QRICH2: variants seen among roughly 807,000 people sequenced by gnomAD.
QRICH2 encodes glutamine-rich protein 2.
A neutral mutation model predicts 168.3 loss-of-function variants in QRICH2; 119 were observed. The observed-to-expected ratio is 0.71, with a 90% CI of 0.61 to 0.82. The LOEUF (loss-of-function observed/expected upper bound fraction) is 0.82, where lower values mean the gene tolerates loss of function less well. QRICH2 is among the 40% of genes least tolerant of loss of function. The pLI is 0.00. For missense variants in QRICH2, 2,241 were observed against 2,491.6 expected, an observed-to-expected ratio of 0.90 and a Z score of 2.14; for synonymous variants, 894 against 951.2, an observed-to-expected ratio of 0.94 and a Z score of 1.11.
At chr17:76,275,583 T>C (rs2070660038) in intron 18 of QRICH2, among the ~76,000 whole-genome samples, 1 of 152,194 alleles carries the variant, frequency 6.6e-6, no homozygotes, top group Non-Finnish European at 1.5e-5. Context: ...ATGTGGGTGG[T>C]GACCCTGTCC....
chr17:76,305,532 T>G (rs924356846), intron 1 of QRICH2, among the ~76,000 whole-genome samples: 1 of 151,932 alleles, frequency 6.6e-6, no homozygotes, highest in African/African-American at 2.4e-5. Context: ...GGAAGGGAAG[T>G]GAGATGCAGT....
At chr17:76,277,699 T>C (rs2070710844) in intron 15 of QRICH2, among the ~76,000 whole-genome samples, 1 of 151,522 alleles carries the variant, frequency 6.6e-6, no homozygotes, top group East Asian at 1.9e-4. Context: ...TACTCATACA[T>C]GCACACACAT....
intron 6 of QRICH2, among the ~76,000 whole-genome samples, chr17:76,287,552 C>G (rs1008867244): frequency 6.6e-6 from 1 of 152,160 alleles, no homozygotes; most frequent in Non-Finnish European, 1.5e-5. Context: ...CCTTCAGCCT[C>G]CGACTGGGGA....
chr17:76,280,098 C>A lies in QRICH2; in HGVS notation c.4683G>T (p.Ser1561=), dbSNP rs750507403. 1.2e-6 allele frequency: 2 copies of A among 1,613,654 alleles called. No individual in the cohort carries two copies. Among genetic ancestry groups the A allele is most frequent in the Admixed American group, 3.3e-5 (2 of 59,988 alleles). Residue 1561 remains serine, a synonymous_variant, in exon 12 of 19, where the codon TCG becomes TCT. Coordinates refer to ENST00000680821, the MANE Select transcript of QRICH2 (RefSeq NM_001388453.1). This position sits in a 1 kb window ranked among gnomAD's most constrained non-coding sequence, Gnocchi z 7.4. ...VKQLLEDRWK[S]LRQQLRERPP... is the part of the protein sequence containing the mutation. ...GGCGCTCCCTGAGCTGCTGTCGCAGCGATTTCCACCGATCCTCCAGCAACT... is the reference window on the plus strand; with the variant it reads ...GGCGCTCCCTGAGCTGCTGTCGCAGAGATTTCCACCGATCCTCCAGCAACT...
chr17:76,287,169 G>T (rs2070903617), intron 7 of QRICH2, 23 bp downstream of exon 7: 3 of 1,557,176 alleles, frequency 1.9e-6, no homozygotes, highest in East Asian at 2.2e-5. Flanking sequence ...GGTCCCTGGA[G>T]CTAAAGAGTG....
chr17:76,277,049 G>A (rs912834293), intron 16 of QRICH2, 114 bp downstream of exon 16: 2 of 1,157,688 alleles, frequency 1.7e-6, no homozygotes, highest in South Asian at 1.6e-5. Flanking sequence ...TCTGATTAAG[G>A]AATTGCCTCA....
intron 7 of QRICH2, among the ~76,000 whole-genome samples, chr17:76,285,175 C>T (rs572245034): frequency 2.1e-5 from 3 of 144,612 alleles, no homozygotes; most frequent in Admixed American, 6.7e-5. Flanking sequence ...CTTTTTCACC[C>T]AACCTGGAGT....
Position 76,296,779 on chromosome 17 carries a change from A to G in QRICH2, c.706-2758T>C, listed in dbSNP as rs1039192839. On this transcript the variant is annotated intron_variant, in intron 3 of 18. Transcript: ENST00000680821. ...GGCAACAGAGCATGGCTCTGTCTCA[A>G]AAAAAAAAAAAAAAAAAAATAACCA... 7.1e-4 allele frequency among the ~76,000 whole-genome samples: 67 copies of G among 94,524 alleles called. 1 individual carries two copies. Among genetic ancestry groups the G allele is most frequent in the Non-Finnish European group, 1.1e-3 (56 of 50,240 alleles). The allele number at this position is 94,524 out of a possible 152,430, so 62.0% of individuals were successfully genotyped here. A position where few individuals can be genotyped will look rare whatever the true frequency, so the allele number is the denominator to read the frequency against.
At position 76,304,422 on chromosome 17, in the gene QRICH2, G is replaced by A. The variant is rs1416385914; in HGVS notation, c.698C>T (p.Ser233Leu). 1 of 1,611,624 alleles carries A rather than the reference G, an allele frequency of 6.2e-7. No individual in the cohort carries two copies. The highest frequency in any genetic ancestry group is 1.1e-5 in the South Asian group (1 of 90,912). The change falls in exon 3 of 19, where the codon TCA becomes TTA. Residue 233 changes from serine to leucine, a missense_variant. Ser to Leu is a moderately radical substitution (Grantham distance 145). This residue lies in a region of QRICH2 where 2,047 missense variants were observed against 2,303.8 expected (regional missense o/e 0.89). Transcript: ENST00000680821. ...AGGCCCCCACTGGTTCACCGCTTGT[G>A]AGGCTCTCCAGCCGTCCGTAATCGC... ...EQAITDGWRASQAGSETLMGF... is the reference protein window; with the variant it reads ...EQAITDGWRALQAGSETLMGF...
chr17:76,277,664 A>G (rs931238642), intron 15 of QRICH2, among the ~76,000 whole-genome samples: 1 of 152,006 alleles, frequency 6.6e-6, no homozygotes, highest in Non-Finnish European at 1.5e-5. Context: ...ACACATGCAC[A>G]CACACACACG....
rs770064904 is a variant in QRICH2 at position 76,294,001 on chromosome 17, T to C, written c.726A>G (p.Gly242=). The change falls in exon 4 of 19, where the codon GGA becomes GGG. Residue 242 remains glycine (G), a synonymous_variant. Coordinates refer to ENST00000680821, the MANE Select transcript of QRICH2 (RefSeq NM_001388453.1). ...ASQAGSETLM[G]FSKHGGFTSL... The stretch of plus-strand genomic sequence containing the variant: ...AAGTGAACCCTCCGTGCTTAGAAAA[T>C]CCCATAAGTGTTTCTGAGCCCTGGT... 1.9e-6 allele frequency: 3 copies of C among 1,606,508 alleles called. No individual in the cohort carries two copies. The African/African-American group carries it at 4.0e-5, about 22-fold the overall frequency.
chr17:76,308,484 A>G (rs1317402025), upstream of QRICH2: 1 of 985,292 alleles, frequency 1.0e-6, no homozygotes, highest in African/African-American at 1.7e-5. Context: ...TGGCGGGGCC[A>G]CATAAGGAAA....
chr17:76,302,515 G>A lies in QRICH2; in HGVS notation c.705+1900C>T, dbSNP rs1214927515. 3.3e-5 allele frequency among the ~76,000 whole-genome samples: 5 copies of A among 152,206 alleles called. 1 individual carries two copies. The highest frequency in any genetic ancestry group is 1.9e-4 in the East Asian group (1 of 5,204). Reference sequence around the variant, plus strand: ...AATTAAGGATCTTGAGACGGAGGGAGTATCCCGGATTATCCGGGTGGATGC... The same window carrying A: ...AATTAAGGATCTTGAGACGGAGGGAATATCCCGGATTATCCGGGTGGATGC... On this transcript the variant is annotated intron_variant, in intron 3 of 18. Transcript: ENST00000680821.
intron 18 of QRICH2, 127 bp downstream of exon 18, chr17:76,275,692 C>T: frequency 8.0e-7 from 1 of 1,243,256 alleles, no homozygotes; most frequent in South Asian, 1.5e-5. Context: ...TTTTCCACAC[C>T]CATCCCCCCC....
chr17:76,276,818 CT>C lies in QRICH2; in HGVS notation c.5266-52del, dbSNP rs745407129. ...CCACTGTAGCAGCCACAGCCCTCCCCTGGCCCCTTCACACGGGACTGAGGCA... is the reference window on the plus strand; with the variant it reads ...CCACTGTAGCAGCCACAGCCCTCCCCGGCCCCTTCACACGGGACTGAGGCA... On this transcript the variant is annotated intron_variant, in intron 16 of 18. Coordinates refer to ENST00000680821, the MANE Select transcript of QRICH2 (RefSeq NM_001388453.1). 2.1e-6 allele frequency: 3 copies of C among 1,409,210 alleles called. No homozygotes were observed. In the East Asian group the frequency reaches 6.8e-5, roughly 32 times the overall value. 87.3% of individuals were successfully genotyped at this position (1,409,210 alleles called of 1,614,324 possible).
At chr17:76,278,297 A>C in intron 14 of QRICH2, 108 bp from the exon 15 acceptor site, 1 of 1,114,720 alleles carries the variant, frequency 9.0e-7, no homozygotes, top group Non-Finnish European at 1.3e-6. Flanking sequence ...GGACCCAGCT[A>C]GGCTGGGGGT....
Position 76,292,217 on chromosome 17 carries a change from A to G in QRICH2, c.2510T>C (p.Val837Ala), listed in dbSNP as rs376981175. The G allele has an allele frequency of 7.0e-7, 1 of 1,425,190 alleles. No individual in the cohort carries two copies. The highest frequency in any genetic ancestry group is 1.9e-5 in the African/African-American group (1 of 52,230). 88.3% of individuals were successfully genotyped at this position (1,425,190 alleles called of 1,614,324 possible). A position where few individuals can be genotyped will look rare whatever the true frequency, so the allele number is the denominator to read the frequency against. Residue 837 changes from valine to alanine, a missense_variant, in exon 4 of 19, where the codon GTT (valine) becomes GCT (alanine). Val to Ala is a moderately conservative substitution (Grantham distance 64). Transcript: ENST00000680821. ...DQRGLVQPGA[V>A]QRGLVQPGAV... ...ACCAGGTTGGACCAAACCACGCTGA[A>G]CTGCACCAGGTTGAACCAAACCACG...
rs1555588989 is a variant in QRICH2, at chr17:76,307,078, GGCCCCACT to G, written c.534+379_534+386del. On this transcript the variant is annotated intron_variant, in intron 1 of 18. Coordinates refer to ENST00000680821, the MANE Select transcript of QRICH2 (RefSeq NM_001388453.1). This position sits in a 1 kb window ranked among gnomAD's most constrained non-coding sequence, Gnocchi z 5.3. ...TCTAAGAATCTTCTGAGAAGTTGCCGGCCCCACTCTGAGCCAGCTCTGGGTCCTTGGAT... is the reference window on the plus strand; with the variant it reads ...TCTAAGAATCTTCTGAGAAGTTGCCGCTGAGCCAGCTCTGGGTCCTTGGAT... Among the ~76,000 whole-genome samples, 6 of 151,922 alleles carry G rather than the reference GGCCCCACT, an allele frequency of 3.9e-5. No homozygotes were observed. Among genetic ancestry groups the G allele is most frequent in the Non-Finnish European group, 1.5e-5 (1 of 67,996 alleles).
At chr17:76,310,609 G>A (rs1245537566), upstream of QRICH2, 2 of 151,712 alleles carry the variant, frequency 1.3e-5, no homozygotes, top group African/African-American at 2.4e-5. Flanking sequence ...TGGAACTACA[G>A]GCACATGCTA....
Sources: allele counts gnomAD v4.1 joint callset (sites outside exome capture counted in the v4.1 genomes callset), GRCh38; gene constraint gnomAD v4.1.1; regional missense constraint gnomAD v4.1.1; non-coding constraint Gnocchi (gnomAD v3.1); transcripts MANE v1.5; gene names NCBI Gene and HGNC (gene_info 2026-07-23, HGNC 2026-07-21).